The following CHD8 variants were observed in gnomAD, a reference collection of about 807,000 sequenced individuals.
CHD8 encodes the protein ATP-dependent chromatin remodeler CHD8.
Under a neutral mutation model 279.2 loss-of-function variants are expected in CHD8, and 31 were observed. That is an observed-to-expected ratio of 0.11 (90% CI 0.08 to 0.15). The LOEUF (loss-of-function observed/expected upper bound fraction) is 0.15, where lower values mean the gene tolerates loss of function less well. CHD8 is among the 10% of genes least tolerant of loss of function. The pLI is 1.00. For missense variants in CHD8, 2,146 were observed against 3,230.5 expected (o/e 0.66, Z 8.14); for synonymous variants, 1,081 against 1,139.6 (o/e 0.95, Z 1.04).
In CHD8 at chr14:21,428,137, CTG is replaced by C. The variant is rs1174605841; in HGVS notation, c.1331_1332del (p.Thr444ArgfsTer33). Reference sequence around the variant, plus strand: ...TCCAATCTGCGGTTTTCCTCCATTCCTGTCTTTCCCCCCGAATGAGGAGCAGA... The same window carrying C: ...TCCAATCTGCGGTTTTCCTCCATTCCTCTTTCCCCCCGAATGAGGAGCAGA... ...ASSAPHSGGKTGMEENRRLEH... is the reference protein window; with the variant it reads ...ASSAPHSGGKXGMEENRRLEH... On this transcript the variant is annotated frameshift_variant, in exon 4 of 38. Transcript: ENST00000646647. LOFTEE classifies it high-confidence loss of function. 6.2e-7 allele frequency: 1 copy of C among 1,614,010 alleles called. No homozygotes were observed. Among genetic ancestry groups the C allele is most frequent in the East Asian group, 2.2e-5 (1 of 44,890 alleles).
intron 4 of CHD8, chr14:21,426,719 C>T (rs1174696347): frequency 6.6e-6 from 1 of 152,310 alleles, no homozygotes; most frequent in East Asian, 1.9e-4. Context: ...CACCACAAAG[C>T]CTTAAGAATC....
intron 2 of CHD8, chr14:21,429,831 G>A (rs1889489586): frequency 4.3e-6 from 1 of 231,820 alleles, no homozygotes; most frequent in Non-Finnish European, 8.8e-6. Context: ...CTTTTTTGTA[G>A]AGATGAGGTC....
intron 26 of CHD8, chr14:21,398,873 C>G (rs879338935): frequency 4.1e-6 from 1 of 245,486 alleles, no homozygotes; most frequent in Non-Finnish European, 8.4e-6. Flanking sequence ...TGTAGAAAAA[C>G]AGAAGATTTT....
intron 1 of CHD8, among the ~76,000 whole-genome samples, chr14:21,439,326 T>A (rs933433720): frequency 6.6e-6 from 1 of 152,176 alleles, no homozygotes; most frequent in African/African-American, 2.4e-5. Context: ...TAAACAGCAA[T>A]ACTGTTTTCC....
chr14:21,418,239 C>T (rs937111603), intron 5 of CHD8, among the ~76,000 whole-genome samples: 7 of 152,108 alleles, frequency 4.6e-5, no homozygotes, highest in African/African-American at 7.2e-5. Context: ...AGTTCAAAGC[C>T]GGGCACGGTG....
At chr14:21,397,992 G>T (rs1286113968) in intron 26 of CHD8, 40 bp from the exon 27 acceptor site, 9 of 1,568,490 alleles carry the variant, frequency 5.7e-6, no homozygotes, top group Non-Finnish European at 7.8e-6. Flanking sequence ...AATGAGATTT[G>T]TTTTGCCTTT....
At chr14:21,404,999 T>G in intron 16 of CHD8, 1 of 541,896 alleles carries the variant, frequency 1.8e-6, no homozygotes, top group Non-Finnish European at 3.3e-6. Context: ...ACCTGGCTAA[T>G]TTTTGTATTT....
chr14:21,418,744 A>G (rs1888869753), intron 5 of CHD8, among the ~76,000 whole-genome samples: 2 of 152,234 alleles, frequency 1.3e-5, no homozygotes, highest in South Asian at 2.1e-4. Flanking sequence ...TGAACCCAGG[A>G]GGCGGAGCTT....
chr14:21,423,364 A>T (rs1889140022), intron 5 of CHD8, among the ~76,000 whole-genome samples: 1 of 152,210 alleles, frequency 6.6e-6, no homozygotes, highest in South Asian at 2.1e-4. Flanking sequence ...CACAAGTGAG[A>T]GAAAGCAAGA....
Position 21,385,503 on chromosome 14 carries a change from G to C in CHD8, c.*110C>G. 7.1e-7 allele frequency: 1 copy of C among 1,406,170 alleles called. No homozygotes were observed. The allele number at this position is 1,406,170 out of a possible 1,614,324, so 87.1% of individuals were successfully genotyped here. On this transcript the variant is annotated 3_prime_UTR_variant, in exon 38 of 38. Transcript: ENST00000646647. Reference sequence around the variant, plus strand: ...TTTTTTTTCCTTTTCACCTCCTGGAGTCCTGGACTTCCCCACATCTCCCCT... The same window carrying C: ...TTTTTTTTCCTTTTCACCTCCTGGACTCCTGGACTTCCCCACATCTCCCCT...
chr14:21,436,624 T>C (rs777835531), intron 1 of CHD8, among the ~76,000 whole-genome samples: 2 of 152,344 alleles, frequency 1.3e-5, no homozygotes, highest in South Asian at 2.1e-4. Context: ...ACTCTGTTTC[T>C]GTTTTCCAAT....
intron 1 of CHD8, among the ~76,000 whole-genome samples, chr14:21,445,682 C>T (rs1426509118): frequency 1.1e-5 from 1 of 91,736 alleles, no homozygotes; most frequent in Non-Finnish European, 1.9e-5. Flanking sequence ...GAGCAGGATT[C>T]GGTCTCAAAA....
rs1888362450 is a variant in CHD8 at position 21,408,878 on chromosome 14, G to C, written c.2365-53C>G. On this transcript the variant is annotated intron_variant, in intron 11 of 37. Transcript: ENST00000646647. This position sits in a 1 kb window ranked among gnomAD's most constrained non-coding sequence, Gnocchi z 4.3. Reference sequence around the variant, plus strand: ...GAGTGGAGACATTATCAAAAGGTAAGACTTACTAGGTAAGTTCTAATAGTT... The same window carrying C: ...GAGTGGAGACATTATCAAAAGGTAACACTTACTAGGTAAGTTCTAATAGTT... 2 of 1,554,124 alleles carry C rather than the reference G, an allele frequency of 1.3e-6. No homozygotes were observed. The highest frequency in any genetic ancestry group is 1.9e-5 in the Admixed American group (1 of 51,628).
At chr14:21,418,689 G>A (rs963636397) in intron 5 of CHD8, among the ~76,000 whole-genome samples, 3 of 151,962 alleles carry the variant, frequency 2.0e-5, no homozygotes, top group Non-Finnish European at 4.4e-5. Flanking sequence ...GGTGGCAGGC[G>A]CCTGCAGTAC....
intron 27 of CHD8, among the ~76,000 whole-genome samples, chr14:21,396,363 G>A (rs1482384246): frequency 1.3e-5 from 2 of 151,592 alleles, no homozygotes; most frequent in African/African-American, 4.8e-5. Context: ...CTGGATTCCA[G>A]TGGCATGATC....
intron 5 of CHD8, chr14:21,416,703 TGAATGG>T: frequency 1.3e-5 from 2 of 152,288 alleles, no homozygotes; most frequent in South Asian, 4.1e-4. Context: ...CTAGTAAACT[TGAATGG>T]TATAAAACTA....
intron 1 of CHD8, among the ~76,000 whole-genome samples, chr14:21,441,753 G>A (rs1378391112): frequency 6.6e-6 from 1 of 152,154 alleles, no homozygotes; most frequent in African/African-American, 2.4e-5. Flanking sequence ...GCTGGGCGTG[G>A]TGGTGGGCAC....
In CHD8 at chr14:21,392,760, G is replaced by A. The variant is rs781575717; in HGVS notation, c.6518C>T (p.Ser2173Leu). The part of the protein sequence containing the change: ...RIDLVCQAVL[S>L]GKWPSSRRSQ... ...CCTACGGCTAGAAGGCCACTTCCCT[G>A]AGAGTACAGCCTGGCAGACGAGGTC... Residue 2173 changes from serine (S) to leucine (L), a missense_variant, in exon 34 of 38, where the codon TCA (serine) becomes TTA (leucine). Physicochemically the swap from Ser to Leu is moderately radical, Grantham distance 145 (BLOSUM62 -2). Around this residue, in one of 26 missense-constraint regions of CHD8, gnomAD observed 513 missense variants for 637.6 expected, o/e 0.80. Coordinates refer to ENST00000646647, the MANE Select transcript of CHD8 (RefSeq NM_001170629.2). 1 of 1,613,978 alleles carries A rather than the reference G, an allele frequency of 6.2e-7. No homozygotes were observed. The highest frequency in any genetic ancestry group is 1.1e-5 in the South Asian group (1 of 91,070).
chr14:21,418,505 G>C (rs1037807159), intron 5 of CHD8, among the ~76,000 whole-genome samples: 1 of 147,290 alleles, frequency 6.8e-6, no homozygotes, highest in African/African-American at 2.5e-5. Context: ...GGGTGAGAGT[G>C]AGACCCTGTC....
Sources: allele counts gnomAD v4.1 joint callset (sites outside exome capture counted in the v4.1 genomes callset), GRCh38; gene constraint gnomAD v4.1.1; regional missense constraint gnomAD v4.1.1; non-coding constraint Gnocchi (gnomAD v3.1); transcripts MANE v1.5; gene names NCBI Gene and HGNC (gene_info 2026-07-23, HGNC 2026-07-21).